KLHL24: variants seen among roughly 807,000 people sequenced by gnomAD.
KLHL24 encodes the protein kelch like family member 24.
In KLHL24, 29 loss-of-function variants were observed where a neutral mutation model predicts 53.4. That is an observed-to-expected ratio of 0.54 (90% CI 0.40 to 0.74). The LOEUF (loss-of-function observed/expected upper bound fraction) is 0.74. Ranked by LOEUF, KLHL24 falls within the 30% of genes least tolerant of loss-of-function variation. The pLI, the probability that KLHL24 is intolerant of heterozygous loss-of-function variation, is 0.00. For missense variants in KLHL24, 504 were observed against 744.0 expected (o/e 0.68, Z 3.75); for synonymous variants, 222 against 253.7 (o/e 0.88, Z 1.19).
intron 3 of KLHL24, among the ~76,000 whole-genome samples, chr3:183,657,095 T>A (rs577569586): frequency 2.2e-5 from 3 of 134,056 alleles, no homozygotes; most frequent in African/African-American, 9.4e-5. Flanking sequence ...TGCTTTTGCA[T>A]CCTGTCCTGA....
intron 7 of KLHL24, among the ~76,000 whole-genome samples, chr3:183,673,838 T>C (rs989580238): frequency 2.0e-5 from 3 of 152,224 alleles, no homozygotes; most frequent in African/African-American, 7.2e-5. Flanking sequence ...TTTATACTCT[T>C]TCCTGAATCA....
At chr3:183,675,480 C>T (rs185470978) in intron 7 of KLHL24, among the ~76,000 whole-genome samples, 28 of 152,220 alleles carry the variant, frequency 1.8e-4, no homozygotes, top group Middle Eastern at 3.4e-3. Flanking sequence ...CCCTGGAAAA[C>T]CATTCTCCAG....
intron 3 of KLHL24, among the ~76,000 whole-genome samples, chr3:183,657,627 C>T (rs930645818): frequency 6.6e-6 from 1 of 152,194 alleles, no homozygotes; most frequent in Non-Finnish European, 1.5e-5. Context: ...TCACTTGCTC[C>T]TAGTCACAAA....
chr3:183,673,389 C>CTT (rs5855003), intron 7 of KLHL24, among the ~76,000 whole-genome samples: 29 of 149,622 alleles, frequency 1.9e-4, no homozygotes, highest in African/African-American at 5.6e-4. Context: ...TTGGGCTGTT[C>CTT]TTTTTTTTTT....
intron 3 of KLHL24, among the ~76,000 whole-genome samples, chr3:183,651,594 A>G (rs571278902): frequency 3.3e-5 from 5 of 152,306 alleles, no homozygotes; most frequent in African/African-American, 1.2e-4. Context: ...TTTTCTTTCC[A>G]AAGAGTCTTT....
intron 1 of KLHL24, among the ~76,000 whole-genome samples, chr3:183,639,291 C>T (rs1489169545): frequency 6.6e-6 from 1 of 152,076 alleles, no homozygotes; most frequent in Non-Finnish European, 1.5e-5. Context: ...ATATAAACCA[C>T]TGACTATGTG....
Position 183,672,294 on chromosome 3 carries a change from AGGTTCAATCTTATGATCCAGAAACCAAT to A in KLHL24, c.1414-1_1440del. On this transcript the variant is annotated splice_acceptor_variant and coding_sequence_variant, in exon 7 of 8. Coordinates refer to ENST00000242810, the MANE Select transcript of KLHL24 (RefSeq NM_017644.3). LOFTEE classifies it high-confidence loss of function. Reference sequence around the variant, plus strand: ...TAATTATATATTTTTATATGTTATTAGGTTCAATCTTATGATCCAGAAACCAATTCTTGGCTACTTCGTGCAGCTATCC... The same window carrying A: ...TAATTATATATTTTTATATGTTATTATCTTGGCTACTTCGTGCAGCTATCC... 1 of 1,520,234 alleles carries A rather than the reference AGGTTCAATCTTATGATCCAGAAACCAAT, an allele frequency of 6.6e-7. No homozygotes were observed. The highest frequency in any genetic ancestry group is 1.3e-5 in the South Asian group (1 of 76,700). The allele number at this position is 1,520,234 out of a possible 1,614,324, so 94.2% of individuals were successfully genotyped here. A position where few individuals can be genotyped will look rare whatever the true frequency, so the allele number is the denominator to read the frequency against.
At chr3:183,656,825 A>AAG (rs1486718762) in intron 3 of KLHL24, among the ~76,000 whole-genome samples, 3 of 151,820 alleles carry the variant, frequency 2.0e-5, no homozygotes, top group Non-Finnish European at 4.4e-5. Flanking sequence ...TCAGGGAGGC[A>AAG]AGAGGCGGGA....
intron 1 of KLHL24, chr3:183,642,799 T>A (rs1716647528): frequency 6.9e-6 from 1 of 145,132 alleles, no homozygotes; most frequent in African/African-American, 2.7e-5. Flanking sequence ...TTCCAGACAC[T>A]CTTCAAATAT....
intron 6 of KLHL24, among the ~76,000 whole-genome samples, chr3:183,671,691 C>T (rs1461593401): frequency 6.6e-6 from 1 of 152,178 alleles, no homozygotes; most frequent in Non-Finnish European, 1.5e-5. Context: ...TGTTCCGGTT[C>T]AGTAAACTTC....
At chr3:183,637,599 A>G (rs1382043739) in intron 1 of KLHL24, among the ~76,000 whole-genome samples, 1 of 152,208 alleles carries the variant, frequency 6.6e-6, no homozygotes, top group African/African-American at 2.4e-5. Flanking sequence ...GCGTTTTGTC[A>G]GATTTTCTTC....
chr3:183,639,535 C>T (rs1355015351), intron 1 of KLHL24, among the ~76,000 whole-genome samples: 1 of 146,398 alleles, frequency 6.8e-6, no homozygotes, highest in Non-Finnish European at 1.5e-5. Flanking sequence ...GAGGCTGAGG[C>T]AGGAGAATGG....
At chr3:183,672,167 CCT>C (rs1721416469) in intron 6 of KLHL24, 127 bp from the exon 7 acceptor site, 2 of 482,688 alleles carry the variant, frequency 4.1e-6, no homozygotes, top group African/African-American at 4.0e-5. Context: ...ATCAGGCTAA[CCT>C]CTCTTAATTC....
At chr3:183,636,809 G>C (rs950621680) in intron 1 of KLHL24, 1 of 151,916 alleles carries the variant, frequency 6.6e-6, no homozygotes, top group Non-Finnish European at 1.5e-5. Flanking sequence ...GAGTGGAGCC[G>C]GGTGGCGCGG....
chr3:183,656,059 T>TTTTTTC (rs1178459038), intron 3 of KLHL24, among the ~76,000 whole-genome samples: 5,130 of 135,562 alleles, frequency 0.038, 352 homozygotes, highest in Non-Finnish European at 0.058. Flanking sequence ...TTTTTTTTTT[T>TTTTTTC]TTTCTGAGAC....
intron 1 of KLHL24, among the ~76,000 whole-genome samples, chr3:183,637,039 TTCTGTAAACGTGTTTAGA>T (rs1244099376): frequency 6.6e-6 from 1 of 152,222 alleles, no homozygotes; most frequent in African/African-American, 2.4e-5. Context: ...TTGTTGCCAG[TTCTGTAAACGTGTTTAGA>T]TAGCTAAATA....
intron 6 of KLHL24, 121 bp downstream of exon 6, chr3:183,671,343 C>A: frequency 1.4e-6 from 1 of 733,904 alleles, no homozygotes; most frequent in Non-Finnish European, 2.1e-6. Context: ...TTTTCTGGTA[C>A]TATATGCTTT....
Position 183,679,098 on chromosome 3 carries a change from A to T in KLHL24, c.1615A>T (p.Met539Leu). The stretch of plus-strand genomic sequence containing the variant: ...TTTGGTTAAACAGGAAAACTGTGGT[A>T]TGTCTGTGTGTAATGGTAAAATATA... ...NTFSRQENCG[M>L]SVCNGKIYIL... The change falls in exon 8 of 8, where the codon ATG (methionine) becomes TTG (leucine). Residue 539 changes from methionine to leucine, a missense_variant. Transcript: ENST00000242810. 6.2e-7 allele frequency: 1 copy of T among 1,612,782 alleles called. No individual in the cohort carries two copies. Among genetic ancestry groups the T allele is most frequent in the African/African-American group, 1.3e-5 (1 of 75,012 alleles).
chr3:183,646,454 C>T (rs1717263515), intron 2 of KLHL24, among the ~76,000 whole-genome samples: 1 of 151,012 alleles, frequency 6.6e-6, no homozygotes, highest in African/African-American at 2.4e-5. Context: ...TCACTTTAGT[C>T]TTTATTCCAT....
Sources: gnomAD v4.1 joint callset for allele counts (sites outside exome capture counted in the v4.1 genomes callset) on GRCh38, gnomAD v4.1.1 for gene constraint, MANE v1.5 for transcripts, NCBI Gene and HGNC (gene_info 2026-07-23, HGNC 2026-07-21) for gene names.